Variants in HDAC4 observed in about 807,000 individuals in gnomAD.
HDAC4 encodes histone deacetylase 4.
A neutral mutation model predicts 135.1 loss-of-function variants in HDAC4; 16 were observed. That is an observed-to-expected ratio of 0.12 (90% CI 0.08 to 0.18). The LOEUF is 0.18. HDAC4 is among the 10% of genes least tolerant of loss of function. The pLI is 1.00. For missense variants in HDAC4, 1,143 were observed against 1,511.8 expected, an observed-to-expected ratio of 0.76 and a Z score of 4.05; for synonymous variants, 685 against 653.4, an observed-to-expected ratio of 1.05 and a Z score of -0.74.
At chr2:239,236,730 G>GCT in intron 2 of HDAC4, 66 bp from the exon 3 acceptor site, 1 of 1,193,844 alleles carries the variant, frequency 8.4e-7, no homozygotes, top group Non-Finnish European at 1.2e-6. Context: ...CTTTATGCTG[G>GCT]GAGTCTGCAG....
chr2:239,377,651 A>G (rs1022628130), intron 1 of HDAC4, among the ~76,000 whole-genome samples: 11 of 152,216 alleles, frequency 7.2e-5, no homozygotes, highest in Non-Finnish European at 1.2e-4. Flanking sequence ...CCAGGGCCAC[A>G]GTCTCACCAC....
At chr2:239,150,476 A>T (rs551263885) in intron 7 of HDAC4, among the ~76,000 whole-genome samples, 1 of 151,704 alleles carries the variant, frequency 6.6e-6, no homozygotes, top group South Asian at 2.1e-4. Context: ...AAACACAGAT[A>T]CACACACAGG....
chr2:239,305,173 C>T (rs973222995), intron 2 of HDAC4, among the ~76,000 whole-genome samples: 13 of 152,224 alleles, frequency 8.5e-5, no homozygotes, highest in Admixed American at 2.0e-4. Context: ...AACACAAATA[C>T]GGCCACACTC....
chr2:239,169,024 T>C (rs1322015511), intron 5 of HDAC4, among the ~76,000 whole-genome samples: 1 of 152,200 alleles, frequency 6.6e-6, no homozygotes, highest in African/African-American at 2.4e-5. Context: ...AAATGTTTTC[T>C]GAAGTGAAGT....
chr2:239,143,844 T>A (rs2041572812), intron 8 of HDAC4, among the ~76,000 whole-genome samples: 1 of 152,238 alleles, frequency 6.6e-6, no homozygotes, highest in Non-Finnish European at 1.5e-5. Context: ...TTGAACACTT[T>A]CTGTTGTGCA....
intron 3 of HDAC4, among the ~76,000 whole-genome samples, chr2:239,201,528 A>G (rs1575392950): frequency 6.6e-6 from 1 of 152,192 alleles, no homozygotes; most frequent in African/African-American, 2.4e-5. Flanking sequence ...GAGAGCCTAC[A>G]GCCCACAGCT....
At chr2:239,302,667 C>G (rs2052338761) in intron 2 of HDAC4, among the ~76,000 whole-genome samples, 2 of 152,214 alleles carry the variant, frequency 1.3e-5, no homozygotes, top group Non-Finnish European at 2.9e-5. Context: ...GAGCCAGGAC[C>G]CAGTCCAAGA....
rs2041210361 is a variant in HDAC4, at chr2:239,139,603, T to C, written c.978+81A>G. 2 of 1,265,578 alleles carry C rather than the reference T, an allele frequency of 1.6e-6. No individual in the cohort carries two copies. The highest frequency in any genetic ancestry group is 1.7e-5 in the Admixed American group (1 of 59,554). 78.4% of individuals were successfully genotyped at this position (1,265,578 alleles called of 1,614,324 possible). ...TGGAAGGTGAAGAGTGAAGGGCAAG[T>C]GCAAAGTGGGGTCATTTCAAGCTCA... On this transcript the variant is annotated intron_variant, in intron 9 of 26. Transcript: ENST00000543185. The surrounding 1 kb of genome is among the most constrained non-coding windows in gnomAD (Gnocchi z 5.3).
At chr2:239,241,140 C>T (rs953358633) in intron 2 of HDAC4, among the ~76,000 whole-genome samples, 3 of 152,114 alleles carry the variant, frequency 2.0e-5, no homozygotes, top group African/African-American at 7.2e-5. Context: ...AAACAGGTAC[C>T]CACCAAGACC....
At chr2:239,202,309 C>G (rs2045803812) in intron 3 of HDAC4, among the ~76,000 whole-genome samples, 1 of 152,188 alleles carries the variant, frequency 6.6e-6, no homozygotes, top group Admixed American at 6.5e-5. Context: ...TAGGTTGTCT[C>G]ACAGGACACT....
chr2:239,298,118 TG>T, intron 2 of HDAC4: 1 of 983,684 alleles, frequency 1.0e-6, no homozygotes, highest in Non-Finnish European at 1.4e-6. Context: ...AAAAAATTAA[TG>T]GACTAAAACA....
intron 24 of HDAC4, among the ~76,000 whole-genome samples, chr2:239,062,569 G>A (rs926770239): frequency 6.6e-6 from 1 of 152,262 alleles, no homozygotes; most frequent in Non-Finnish European, 1.5e-5. Context: ...ACAGGCCACG[G>A]CTGAAAGCGA....
intron 1 of HDAC4, among the ~76,000 whole-genome samples, chr2:239,386,641 G>A (rs778134967): frequency 4.6e-5 from 7 of 152,212 alleles, no homozygotes; most frequent in Non-Finnish European, 8.8e-5. Context: ...TGCACTGTAA[G>A]GAAATCCCAT....
At chr2:239,189,241 C>T (rs967520290) in intron 4 of HDAC4, among the ~76,000 whole-genome samples, 9 of 152,342 alleles carry the variant, frequency 5.9e-5, no homozygotes, top group African/African-American at 2.2e-4. Flanking sequence ...GATATCATAA[C>T]TAGCCTGCCA....
chr2:239,219,118 G>A (rs1006358597), intron 3 of HDAC4, among the ~76,000 whole-genome samples: 4 of 144,876 alleles, frequency 2.8e-5, no homozygotes, highest in African/African-American at 1.0e-4. Flanking sequence ...CCCATTACTG[G>A]GTATATACCC....
chr2:239,251,291 G>A (rs1470998733), intron 2 of HDAC4, among the ~76,000 whole-genome samples: 1 of 152,186 alleles, frequency 6.6e-6, no homozygotes, highest in African/African-American at 2.4e-5. Flanking sequence ...TGGGTGATCT[G>A]GGTAAAGATT....
At chr2:239,362,694 G>GA (rs1156272397) in intron 1 of HDAC4, among the ~76,000 whole-genome samples, 1 of 152,136 alleles carries the variant, frequency 6.6e-6, no homozygotes, top group Admixed American at 6.5e-5. Context: ...ACCCAGTCCA[G>GA]AACGCCAAAT....
rs1010717839 is a variant in HDAC4 at position 239,146,159 on chromosome 2, G to A, written c.734-1445C>T. Among the ~76,000 whole-genome samples, 2 of 152,230 alleles carry A rather than the reference G, an allele frequency of 1.3e-5. No individual in the cohort carries two copies. The highest frequency in any genetic ancestry group is 2.1e-4 in the South Asian group (1 of 4,834). On this transcript the variant is annotated intron_variant, in intron 7 of 26. Transcript: ENST00000543185. This position sits in a 1 kb window ranked among gnomAD's most constrained non-coding sequence, Gnocchi z 4.5. The stretch of plus-strand genomic sequence containing the variant: ...ACTTCTGTGCCTAACACAACCGACC[G>A]AGGCAAGCGTAGATTCACAAGCTCC...
At chr2:239,372,041 A>G (rs1229459314) in intron 1 of HDAC4, among the ~76,000 whole-genome samples, 2 of 152,210 alleles carry the variant, frequency 1.3e-5, no homozygotes, top group African/African-American at 4.8e-5. Flanking sequence ...CTGCTCGGCC[A>G]GAGGCATCCT....
Sources: gnomAD v4.1 joint callset for allele counts (sites outside exome capture counted in the v4.1 genomes callset) on GRCh38, gnomAD v4.1.1 for gene constraint, Gnocchi (gnomAD v3.1) non-coding constraint, MANE v1.5 for transcripts, NCBI Gene and HGNC (gene_info 2026-07-23, HGNC 2026-07-21) for gene names.